Variants in DRC11 observed in about 807,000 individuals in gnomAD.
DRC11 encodes IQ and AAA domain-containing protein 1.
chr2:236,456,367 C>A, the DRC11 span, among the ~76,000 whole-genome samples: 1 of 152,136 alleles, frequency 6.6e-6, no homozygotes, highest in African/African-American at 2.4e-5. This position sits in a 1 kb window ranked among gnomAD's most constrained non-coding sequence, Gnocchi z 5.4. Context: ...GGATTTGAAC[C>A]CAGGCAGCCT....
At chr2:236,454,237 G>A in the DRC11 span, among the ~76,000 whole-genome samples, 1 of 152,146 alleles carries the variant, frequency 6.6e-6, no homozygotes. The surrounding 1 kb of genome is among the most constrained non-coding windows in gnomAD (Gnocchi z 5.3). Context: ...ATGACTTGGT[G>A]CCCGGATAAA....
At chr2:236,416,721 T>TTTTATATATATATA in the DRC11 span, among the ~76,000 whole-genome samples, 3 of 64,248 alleles carry the variant, frequency 4.7e-5, no homozygotes, top group South Asian at 1.5e-3. Context: ...ATATATATAT[T>TTTTATATATATATA]TATATATATA....
At chr2:236,459,565 A>G in the DRC11 span, among the ~76,000 whole-genome samples, 1 of 142,138 alleles carries the variant, frequency 7.0e-6, no homozygotes, top group Admixed American at 7.0e-5. Flanking sequence ...GTATACGTAT[A>G]TATGTGTATA....
At chr2:236,388,952 G>A in the DRC11 span, among the ~76,000 whole-genome samples, 5 of 152,186 alleles carry the variant, frequency 3.3e-5, no homozygotes, top group African/African-American at 1.2e-4. Context: ...CTGCTGGGGG[G>A]TGCCTCCCAG....
At chr2:236,408,619 T>C in the DRC11 span, 1 of 725,888 alleles carries the variant, frequency 1.4e-6, no homozygotes, top group Non-Finnish European at 2.6e-6. This position sits in a 1 kb window ranked among gnomAD's most constrained non-coding sequence, Gnocchi z 5.5. Flanking sequence ...TTCTTCATGC[T>C]GCTGAAGTCC....
chr2:236,329,878 A>AGGG, the DRC11 span, among the ~76,000 whole-genome samples: 1 of 152,234 alleles, frequency 6.6e-6, no homozygotes, highest in African/African-American at 2.4e-5. Context: ...GGGTCATAAA[A>AGGG]GGGTAGTAAT....
chr2:236,441,800 T>C, the DRC11 span, among the ~76,000 whole-genome samples: 1 of 152,210 alleles, frequency 6.6e-6, no homozygotes, highest in South Asian at 2.1e-4. Flanking sequence ...GGTTTAGAGG[T>C]GACCACCATG....
At chr2:236,399,549 CGCT>C in the DRC11 span, 1 of 1,366,688 alleles carries the variant, frequency 7.3e-7, no homozygotes, top group South Asian at 1.2e-5. The surrounding 1 kb of genome is among the most constrained non-coding windows in gnomAD (Gnocchi z 7.0). Flanking sequence ...AAGACGCAGA[CGCT>C]GTGATAACCG....
At chr2:236,443,091 A>C in the DRC11 span, among the ~76,000 whole-genome samples, 1 of 152,196 alleles carries the variant, frequency 6.6e-6, no homozygotes, top group Admixed American at 6.5e-5. The surrounding 1 kb of genome is among the most constrained non-coding windows in gnomAD (Gnocchi z 4.4). Flanking sequence ...GAACGTTAAA[A>C]AGCTATGTGT....
the DRC11 span, among the ~76,000 whole-genome samples, chr2:236,468,420 A>G: frequency 6.6e-6 from 1 of 152,238 alleles, no homozygotes; most frequent in Non-Finnish European, 1.5e-5. Flanking sequence ...TGATGCTAGA[A>G]AAAAACCCCT....
At chr2:236,459,243 C>G in the DRC11 span, among the ~76,000 whole-genome samples, 3 of 152,008 alleles carry the variant, frequency 2.0e-5, no homozygotes, top group East Asian at 5.8e-4. Context: ...TATTTAACCT[C>G]CCTATTAATA....
At chr2:236,355,560 G>T in the DRC11 span, among the ~76,000 whole-genome samples, 1 of 152,212 alleles carries the variant, frequency 6.6e-6, no homozygotes, top group Admixed American at 6.5e-5. Context: ...CACTGGAGCC[G>T]CTAAATCCTG....
the DRC11 span, among the ~76,000 whole-genome samples, chr2:236,477,588 T>A: frequency 6.6e-6 from 1 of 152,170 alleles, no homozygotes; most frequent in Non-Finnish European, 1.5e-5. Context: ...CTCCTTAATT[T>A]TTTTTAATAG....
At chr2:236,459,652 T>C in the DRC11 span, among the ~76,000 whole-genome samples, 2,074 of 102,204 alleles carry the variant, frequency 0.02, 39 homozygotes, top group East Asian at 0.047. Flanking sequence ...TACGTATATA[T>C]GTATATACAT....
chr2:236,374,300 C>A, the DRC11 span, among the ~76,000 whole-genome samples: 1 of 151,880 alleles, frequency 6.6e-6, no homozygotes, highest in South Asian at 2.1e-4. Flanking sequence ...AAGCTAAGGA[C>A]CTTAACTGGG....
the DRC11 span, among the ~76,000 whole-genome samples, chr2:236,386,004 G>A: frequency 6.8e-6 from 1 of 147,148 alleles, no homozygotes; most frequent in Non-Finnish European, 1.5e-5. Context: ...GCATCCCAGG[G>A]ATGAAGCCCA....
chr2:236,332,886 T>C, the DRC11 span: 7 of 152,270 alleles, frequency 4.6e-5, no homozygotes, highest in Admixed American at 2.6e-4. This position sits in a 1 kb window ranked among gnomAD's most constrained non-coding sequence, Gnocchi z 5.1. Flanking sequence ...TTCTCTGAGC[T>C]GTGGATGCAT....
chr2:236,380,905 TTC>T, the DRC11 span, among the ~76,000 whole-genome samples: 2 of 152,150 alleles, frequency 1.3e-5, no homozygotes, highest in Non-Finnish European at 2.9e-5. The surrounding 1 kb of genome is among the most constrained non-coding windows in gnomAD (Gnocchi z 4.9). Context: ...GGGAAGAGCA[TTC>T]TGACTTTCTG....
the DRC11 span, among the ~76,000 whole-genome samples, chr2:236,430,779 C>T: frequency 6.6e-6 from 1 of 152,194 alleles, no homozygotes; most frequent in Admixed American, 6.5e-5. This position sits in a 1 kb window ranked among gnomAD's most constrained non-coding sequence, Gnocchi z 6.0. Context: ...ACCCTTCTGC[C>T]AGCAGTGTAG....
Sources: gnomAD v4.1 joint callset for allele counts (sites outside exome capture counted in the v4.1 genomes callset) on GRCh38, gnomAD v4.1.1 for gene constraint, Gnocchi (gnomAD v3.1) non-coding constraint, MANE v1.5 for transcripts, NCBI Gene and HGNC (gene_info 2026-07-23, HGNC 2026-07-21) for gene names.